Variants in ARHGEF3 observed in about 807,000 individuals in gnomAD.
The protein encoded by ARHGEF3 is Rho guanine nucleotide exchange factor 3, also known as 59.8 kDA protein.
ARHGEF3 carries 28 observed loss-of-function variants against 63.2 expected under a neutral mutation model. The observed-to-expected ratio is 0.44, with a 90% CI of 0.33 to 0.61. ARHGEF3 has a LOEUF of 0.61. Ranked by LOEUF, ARHGEF3 falls within the 20% of genes least tolerant of loss-of-function variation. The pLI is 0.03. For synonymous variants in ARHGEF3, 266 were observed against 254.2 expected (o/e 1.05, Z -0.44); for missense variants, 533 against 659.3 (o/e 0.81, Z 2.10).
intron 4 of ARHGEF3, among the ~76,000 whole-genome samples, chr3:56,820,999 A>C (rs1307679226): frequency 2.6e-5 from 4 of 151,724 alleles, no homozygotes; most frequent in African/African-American, 9.7e-5. Flanking sequence ...ACAAAAAAAA[A>C]AAAATACAAA....
intron 2 of ARHGEF3, among the ~76,000 whole-genome samples, chr3:56,770,562 G>A (rs1004727939): frequency 8.5e-5 from 13 of 152,174 alleles, no homozygotes; most frequent in African/African-American, 2.9e-4. Context: ...GTTGCACCGT[G>A]TGCACCAAGG....
At chr3:56,914,785 T>A (rs1379562412) in intron 3 of ARHGEF3, among the ~76,000 whole-genome samples, 1 of 152,076 alleles carries the variant, frequency 6.6e-6, no homozygotes, top group Admixed American at 6.5e-5. Context: ...TATGAGATAC[T>A]TAGAGTAATC....
At chr3:56,818,726 G>C (rs570042620) in intron 4 of ARHGEF3, among the ~76,000 whole-genome samples, 1 of 152,206 alleles carries the variant, frequency 6.6e-6, no homozygotes, top group African/African-American at 2.4e-5. Context: ...TGCACCCCCT[G>C]CTGCCATCCT....
At chr3:57,068,168 T>C (rs80058461) in intron 1 of ARHGEF3, among the ~76,000 whole-genome samples, 43 of 149,092 alleles carry the variant, frequency 2.9e-4, no homozygotes, top group Admixed American at 1.0e-3. Context: ...CACACACACA[T>C]ACACACACAC....
At chr3:56,864,802 T>C (rs942165395) in intron 4 of ARHGEF3, among the ~76,000 whole-genome samples, 9 of 152,358 alleles carry the variant, frequency 5.9e-5, no homozygotes, top group Admixed American at 2.0e-4. Context: ...CCACTTAACA[T>C]AGACCTTCCT....
chr3:57,017,816 C>G (rs1418158856), intron 2 of ARHGEF3, among the ~76,000 whole-genome samples: 1 of 152,206 alleles, frequency 6.6e-6, no homozygotes, highest in Non-Finnish European at 1.5e-5. Flanking sequence ...CAGCCTCTTT[C>G]TACAACATCC....
intron 2 of ARHGEF3, among the ~76,000 whole-genome samples, chr3:56,962,031 G>T (rs73091602): frequency 0.11 from 17,386 of 152,078 alleles, 1,246 homozygotes; most frequent in East Asian, 0.25. Flanking sequence ...GGTGACAGAG[G>T]GAGACCCTGT....
intron 2 of ARHGEF3, among the ~76,000 whole-genome samples, chr3:56,772,799 T>G (rs1354078270): frequency 6.6e-6 from 1 of 152,250 alleles, no homozygotes; most frequent in East Asian, 1.9e-4. Context: ...ATGCACTGTC[T>G]TGTAAATCTT....
chr3:56,743,366 G>C (rs945239766), intron 7 of ARHGEF3, among the ~76,000 whole-genome samples: 2 of 152,218 alleles, frequency 1.3e-5, no homozygotes, highest in African/African-American at 4.8e-5. Flanking sequence ...TCAAAGTAGT[G>C]GGCAGGCTTT....
At chr3:56,957,739 C>T (rs751935831) in intron 3 of ARHGEF3, among the ~76,000 whole-genome samples, 2 of 152,050 alleles carry the variant, frequency 1.3e-5, no homozygotes, top group Non-Finnish European at 2.9e-5. Context: ...AGTGTGTGGG[C>T]CCGGAGCAGT....
At chr3:57,065,790 C>T (rs572696488) in intron 1 of ARHGEF3, among the ~76,000 whole-genome samples, 6 of 152,252 alleles carry the variant, frequency 3.9e-5, no homozygotes, top group Admixed American at 2.0e-4. Flanking sequence ...ATCCTCATTA[C>T]GGCTGAGTCA....
intron 1 of ARHGEF3, among the ~76,000 whole-genome samples, chr3:56,780,023 C>A (rs1325472516): frequency 6.6e-6 from 1 of 152,202 alleles, no homozygotes; most frequent in Non-Finnish European, 1.5e-5. Flanking sequence ...AAGCTAGTAT[C>A]ATTATCCCCA....
chr3:56,753,422 A>T (rs2034888292), intron 4 of ARHGEF3, 82 bp downstream of exon 4: 1 of 1,214,962 alleles, frequency 8.2e-7, no homozygotes. Flanking sequence ...GACAGTTCTC[A>T]CGAAGCACCA....
At chr3:56,994,499 G>T (rs921554361) in intron 2 of ARHGEF3, among the ~76,000 whole-genome samples, 1 of 151,324 alleles carries the variant, frequency 6.6e-6, no homozygotes, top group Non-Finnish European at 1.5e-5. Context: ...AAAATTATTC[G>T]CCAGAAAGGG....
chr3:56,794,798 GT>G (rs935600491), intron 1 of ARHGEF3, among the ~76,000 whole-genome samples: 9 of 151,884 alleles, frequency 5.9e-5, no homozygotes, highest in Non-Finnish European at 1.0e-4. Context: ...ATCCTGTATT[GT>G]TTTTTATTTG....
chr3:57,073,959 G>A (rs1706078284), intron 1 of ARHGEF3: 1 of 1,614,216 alleles, frequency 6.2e-7, no homozygotes, highest in Non-Finnish European at 8.5e-7. Context: ...TTTACAAGCA[G>A]CCATCTCTCT....
intron 1 of ARHGEF3, among the ~76,000 whole-genome samples, chr3:56,789,770 T>A (rs2036992354): frequency 6.6e-6 from 1 of 152,210 alleles, no homozygotes; most frequent in Non-Finnish European, 1.5e-5. Flanking sequence ...ATAAACTCTA[T>A]CACTGCCTTA....
At chr3:56,849,679 A>G (rs1245664651) in intron 4 of ARHGEF3, among the ~76,000 whole-genome samples, 1 of 151,410 alleles carries the variant, frequency 6.6e-6, no homozygotes, top group Admixed American at 6.6e-5. Context: ...AAAAAAAAAC[A>G]AGAAATTTAA....
chr3:56,997,752 G>A (rs1702049134), intron 2 of ARHGEF3, among the ~76,000 whole-genome samples: 1 of 152,140 alleles, frequency 6.6e-6, no homozygotes, highest in Non-Finnish European at 1.5e-5. Context: ...CACCTGCTCT[G>A]CACCCCTTAC....
Sources: gnomAD v4.1 joint callset for allele counts (sites outside exome capture counted in the v4.1 genomes callset) on GRCh38, gnomAD v4.1.1 for gene constraint, MANE v1.5 for transcripts, NCBI Gene and HGNC (gene_info 2026-07-23, HGNC 2026-07-21) for gene names.